DLGAP1: variants seen among roughly 807,000 people sequenced by gnomAD.
DLGAP1 encodes the protein DLG associated protein 1.
A neutral mutation model predicts 90.8 loss-of-function variants in DLGAP1; 11 were observed. The observed-to-expected ratio is 0.12, with a 90% CI of 0.08 to 0.20. The LOEUF (loss-of-function observed/expected upper bound fraction) is 0.20, where lower values mean the gene tolerates loss of function less well. DLGAP1 is among the 10% of genes least tolerant of loss of function. The pLI is 1.00. For missense variants in DLGAP1, 1,050 were observed against 1,333.8 expected, an observed-to-expected ratio of 0.79 and a Z score of 3.31; for synonymous variants, 558 against 540.7, an observed-to-expected ratio of 1.03 and a Z score of -0.44.
rs937699017 is a variant in DLGAP1 at position 4,454,618 on chromosome 18, T to G, written c.-267+388A>C. On this transcript the variant is annotated intron_variant, in intron 1 of 12. Transcript: ENST00000315677. This position sits in a 1 kb window ranked among gnomAD's most constrained non-coding sequence, Gnocchi z 4.7. ...CCTCCCCTGCAAGGTGCATCGGGGG[T>G]GGGGTGGGGGTGCGAATTTGACCGG... Among the ~76,000 whole-genome samples the G allele has an allele frequency of 1.3e-5, 2 of 150,844 alleles. No homozygotes were observed. The highest frequency in any genetic ancestry group is 3.0e-5 in the Non-Finnish European group (2 of 67,668).
chr18:4,041,891 G>C (rs556846283), intron 2 of DLGAP1, among the ~76,000 whole-genome samples: 1 of 152,280 alleles, frequency 6.6e-6, no homozygotes, highest in East Asian at 1.9e-4. Flanking sequence ...CTCATTTTGT[G>C]AATCTTTTTG....
intron 2 of DLGAP1, among the ~76,000 whole-genome samples, chr18:4,047,092 T>C (rs974317129): frequency 2.6e-5 from 4 of 152,208 alleles, no homozygotes; most frequent in Admixed American, 6.5e-5. Context: ...AGAAGAAAAT[T>C]AGAGTCAAAT....
intron 1 of DLGAP1, among the ~76,000 whole-genome samples, chr18:4,432,167 T>A (rs2083296947): frequency 1.3e-5 from 2 of 152,188 alleles, no homozygotes; most frequent in South Asian, 4.1e-4. Flanking sequence ...ACTTTATAAG[T>A]GGTGAGGAAA....
At chr18:3,767,371 G>T (rs1186699469) in intron 5 of DLGAP1, among the ~76,000 whole-genome samples, 4 of 152,002 alleles carry the variant, frequency 2.6e-5, no homozygotes, top group African/African-American at 9.7e-5. Context: ...AAATAGAAGA[G>T]AAGTAAACAT....
At chr18:3,560,204 AG>A (rs144242042) in intron 9 of DLGAP1, among the ~76,000 whole-genome samples, 28,833 of 151,286 alleles carry the variant, frequency 0.19, 2,975 homozygotes, top group East Asian at 0.3. Context: ...CCGGATCACG[AG>A]GTCAGGAGAT....
At chr18:3,741,355 CACA>C (rs2063033757) in intron 6 of DLGAP1, among the ~76,000 whole-genome samples, 2 of 142,006 alleles carry the variant, frequency 1.4e-5, no homozygotes, top group African/African-American at 5.6e-5. Context: ...CCACCACCAC[CACA>C]TCACCATCAC....
At chr18:3,967,984 A>T (rs1286473735) in intron 3 of DLGAP1, among the ~76,000 whole-genome samples, 1 of 151,886 alleles carries the variant, frequency 6.6e-6, no homozygotes, top group Non-Finnish European at 1.5e-5. Context: ...TGAACATTTC[A>T]TTTGTCCATT....
intron 2 of DLGAP1, among the ~76,000 whole-genome samples, chr18:4,027,699 C>T (rs1772582811): frequency 6.6e-6 from 1 of 152,082 alleles, no homozygotes; most frequent in African/African-American, 2.4e-5. Context: ...CACAGATTCC[C>T]TTGTTATATA....
In DLGAP1 at chr18:4,265,610, TCCTTCCCTCCCTCC is replaced by T. The variant is rs1258179224; in HGVS notation, c.-266-114337_-266-114324del. ...TCTTCTTTTGCTTTCTTTCCTTCCT[TCCTTCCCTCCCTCC>T]CCTTCCCTCCCTCCCCTTCCCTCCC... On this transcript the variant is annotated intron_variant, in intron 1 of 12. Transcript: ENST00000315677. Among the ~76,000 whole-genome samples, 14 of 100,836 alleles carry T rather than the reference TCCTTCCCTCCCTCC, an allele frequency of 1.4e-4. 1 individual carries two copies. The highest frequency in any genetic ancestry group is 7.6e-4 in the South Asian group (2 of 2,638). The allele number at this position is 100,836 out of a possible 152,430, so 66.2% of individuals were successfully genotyped here. A position where few individuals can be genotyped will look rare whatever the true frequency, so the allele number is the denominator to read the frequency against.
intron 9 of DLGAP1, among the ~76,000 whole-genome samples, chr18:3,545,343 A>G (rs1213269915): frequency 2.0e-5 from 3 of 152,192 alleles, no homozygotes; most frequent in African/African-American, 7.2e-5. Flanking sequence ...GTATTTTTCA[A>G]ATACTTCATA....
chr18:4,017,863 T>C (rs1189382629), intron 2 of DLGAP1, among the ~76,000 whole-genome samples: 1 of 152,220 alleles, frequency 6.6e-6, no homozygotes, highest in East Asian at 1.9e-4. Flanking sequence ...TACTTTTTTT[T>C]TTTTTCCAGA....
chr18:3,607,663 CTGCT>C (rs949346299), intron 7 of DLGAP1: 9 of 152,202 alleles, frequency 5.9e-5, no homozygotes, highest in African/African-American at 1.9e-4. Context: ...TCTTATCTGG[CTGCT>C]TATCATTTCC....
At chr18:3,908,418 T>C (rs1387375464) in intron 3 of DLGAP1, among the ~76,000 whole-genome samples, 1 of 152,216 alleles carries the variant, frequency 6.6e-6, no homozygotes, top group East Asian at 1.9e-4. Flanking sequence ...CTCTTAAATT[T>C]GGCGAGCTGT....
intron 5 of DLGAP1, among the ~76,000 whole-genome samples, chr18:3,761,732 C>T (rs990678822): frequency 6.6e-5 from 10 of 152,068 alleles, no homozygotes; most frequent in African/African-American, 1.4e-4. Context: ...TGTGCCACCA[C>T]GTCGGGCTAA....
In DLGAP1 at chr18:3,600,206, C is replaced by T. The variant is rs188864235; in HGVS notation, c.1592-17958G>A. 1.2e-3 allele frequency among the ~76,000 whole-genome samples: 189 copies of T among 152,270 alleles called. 1 individual carries two copies. Among genetic ancestry groups the T allele is most frequent in the African/African-American group, 4.4e-3 (184 of 41,552 alleles). On this transcript the variant is annotated intron_variant, in intron 7 of 12. Coordinates refer to ENST00000315677, the MANE Select transcript of DLGAP1 (RefSeq NM_004746.4). ...GTTCTGGATGTTCATTAGTTCATCACCATGCATGTGATTCACACACTGTAC... is the reference window on the plus strand; with the variant it reads ...GTTCTGGATGTTCATTAGTTCATCATCATGCATGTGATTCACACACTGTAC...
At chr18:4,117,467 TG>T (rs1037618351) in intron 2 of DLGAP1, among the ~76,000 whole-genome samples, 2 of 152,322 alleles carry the variant, frequency 1.3e-5, no homozygotes, top group Non-Finnish European at 2.9e-5. Flanking sequence ...ATTTACGCTT[TG>T]ATGACTTAAA....
intron 7 of DLGAP1, among the ~76,000 whole-genome samples, chr18:3,650,582 C>G (rs926289601): frequency 1.3e-5 from 2 of 152,176 alleles, no homozygotes; most frequent in Non-Finnish European, 2.9e-5. Flanking sequence ...TTTTTATAAA[C>G]AGGATGTCTG....
chr18:4,373,286 G>T (rs1428225278), intron 1 of DLGAP1, among the ~76,000 whole-genome samples: 2 of 152,092 alleles, frequency 1.3e-5, no homozygotes, highest in Non-Finnish European at 2.9e-5. Context: ...CTGAAGACAA[G>T]CAGGAGGAAT....
intron 2 of DLGAP1, among the ~76,000 whole-genome samples, chr18:4,083,499 T>A (rs1001607619): frequency 3.9e-5 from 6 of 152,208 alleles, no homozygotes; most frequent in Non-Finnish European, 7.3e-5. Flanking sequence ...TCAGTATATA[T>A]TTTTATTTCT....
Sources: gnomAD v4.1 joint callset for allele counts (sites outside exome capture counted in the v4.1 genomes callset) on GRCh38, gnomAD v4.1.1 for gene constraint, Gnocchi (gnomAD v3.1) non-coding constraint, MANE v1.5 for transcripts, NCBI Gene and HGNC (gene_info 2026-07-23, HGNC 2026-07-21) for gene names.